ALDH18A1: variants seen among roughly 807,000 people sequenced by gnomAD.
The protein encoded by ALDH18A1 is delta-1-pyrroline-5-carboxylate synthase.
ALDH18A1 carries 44 observed loss-of-function variants against 88.8 expected under a neutral mutation model. That is an observed-to-expected ratio of 0.50 (90% CI 0.39 to 0.64). ALDH18A1 has a LOEUF of 0.64. ALDH18A1 is among the 30% of genes least tolerant of loss of function. ALDH18A1 has a pLI of 0.00. For missense variants in ALDH18A1, 782 were observed against 1,009.5 expected (o/e 0.77, Z 3.05); for synonymous variants, 331 against 372.1 (o/e 0.89, Z 1.27).
At chr10:95,638,508 C>T (rs2097885414) in intron 3 of ALDH18A1, among the ~76,000 whole-genome samples, 1 of 152,164 alleles carries the variant, frequency 6.6e-6, no homozygotes, top group Admixed American at 6.6e-5. Flanking sequence ...AGGCCTAGTT[C>T]CTCCAAGAAA....
At chr10:95,640,837 A>G (rs1455651997) in intron 3 of ALDH18A1, among the ~76,000 whole-genome samples, 1 of 152,082 alleles carries the variant, frequency 6.6e-6, no homozygotes, top group East Asian at 1.9e-4. Context: ...GGTTTTTCCT[A>G]CCGTTTTCAT....
chr10:95,643,054 C>T lies in ALDH18A1; in HGVS notation c.241G>A (p.Val81Met), dbSNP rs745914021. ...CCACATTCATCCCCTCGGGTCACCA[C>T]GGCACTGCCGAGCTTCACCACGATT... ...KRIVVKLGSA[V>M]VTRGDECGLA... Residue 81 changes from valine to methionine, a missense_variant, in exon 3 of 18, where the codon GTG (valine) becomes ATG (methionine). By Grantham distance (21) the Val-to-Met change is conservative (BLOSUM62 1). Transcript: ENST00000371224. 3 of 1,613,970 alleles carry T rather than the reference C, an allele frequency of 1.9e-6. No homozygotes were observed. The highest frequency in any genetic ancestry group is 1.3e-5 in the African/African-American group (1 of 74,950).
chr10:95,654,666 A>T (rs369189194), intron 1 of ALDH18A1, among the ~76,000 whole-genome samples: 1 of 151,094 alleles, frequency 6.6e-6, no homozygotes, highest in Non-Finnish European at 1.5e-5. Flanking sequence ...GACAGAGAAG[A>T]GACTGGCAGG....
At position 95,606,112 on chromosome 10, in the gene ALDH18A1, C is replaced by T; in HGVS notation, c.*650G>A. On this transcript the variant is annotated 3_prime_UTR_variant, in exon 18 of 18. Coordinates refer to ENST00000371224, the MANE Select transcript of ALDH18A1 (RefSeq NM_002860.4). ...CAGCTCAGTGGGGAACATCCTGAAACTTGCATCTCCTGCTGCAGCTTGGGT... is the reference window on the plus strand; with the variant it reads ...CAGCTCAGTGGGGAACATCCTGAAATTTGCATCTCCTGCTGCAGCTTGGGT... 1 of 349,540 alleles carries T rather than the reference C, an allele frequency of 2.9e-6. No homozygotes were observed. The highest frequency in any genetic ancestry group is 1.2e-4 in the South Asian group (1 of 8,678). The allele number at this position is 349,540 out of a possible 1,614,324, so 21.7% of individuals were successfully genotyped here.
chr10:95,625,246 A>T, intron 11 of ALDH18A1, 116 bp downstream of exon 11: 1 of 907,444 alleles, frequency 1.1e-6, no homozygotes, highest in Non-Finnish European at 1.8e-6. Context: ...CATAATGTAC[A>T]ATTTCTTTTA....
chr10:95,650,014 C>A (rs370661347), intron 2 of ALDH18A1, among the ~76,000 whole-genome samples: 1 of 151,920 alleles, frequency 6.6e-6, no homozygotes, highest in African/African-American at 2.4e-5. Context: ...GAGCCTTGAT[C>A]GTGCCACTAT....
Position 95,611,011 on chromosome 10 carries a change from G to A in ALDH18A1, c.2110+245C>T, listed in dbSNP as rs185394326. Among the ~76,000 whole-genome samples, 735 of 152,290 alleles carry A rather than the reference G, an allele frequency of 4.8e-3. 4 individuals are homozygous for A. Among genetic ancestry groups the A allele is most frequent in the Middle Eastern group, 0.01 (3 of 294 alleles). ...GATTTGCTGCACGCATTAAATGATA[G>A]TGCCTCTGACAGGGTTAGTCATCTT... On this transcript the variant is annotated intron_variant, in intron 16 of 17. Coordinates refer to ENST00000371224, the MANE Select transcript of ALDH18A1 (RefSeq NM_002860.4).
rs757321883 is a variant in ALDH18A1 at position 95,614,033 on chromosome 10, C to T, written c.1734G>A (p.Gly578=). 1.9e-6 allele frequency: 3 copies of T among 1,614,096 alleles called. No individual in the cohort carries two copies. The East Asian group carries it at 6.7e-5, about 36-fold the overall frequency. Residue 578 remains glycine, a synonymous_variant, in exon 14 of 18, where the codon GGG becomes GGA. Coordinates refer to ENST00000371224, the MANE Select transcript of ALDH18A1 (RefSeq NM_002860.4). The part of the protein sequence containing the change: ...QKAAKGIPVM[G]HSEGICHMYV... ...ACATGTGACAGATCCCTTCGCTGTG[C>T]CCCATCACTGGAATCCCCTTAGCAG...
chr10:95,620,791 G>C (rs1285191577), intron 12 of ALDH18A1, among the ~76,000 whole-genome samples: 1 of 151,504 alleles, frequency 6.6e-6, no homozygotes, highest in East Asian at 1.9e-4. Context: ...GGCCTGTCGG[G>C]GGGTGGGGGA....
At chr10:95,627,949 T>C (rs1386886340) in intron 8 of ALDH18A1, among the ~76,000 whole-genome samples, 2 of 152,232 alleles carry the variant, frequency 1.3e-5, no homozygotes, top group Non-Finnish European at 2.9e-5. Context: ...ACTTCTGGCT[T>C]TTCTAAGTGG....
intron 7 of ALDH18A1, among the ~76,000 whole-genome samples, chr10:95,632,316 G>T (rs1457687887): frequency 6.6e-6 from 1 of 152,118 alleles, no homozygotes; most frequent in East Asian, 1.9e-4. Flanking sequence ...CTGTGGTTTT[G>T]GTTGCACAAT....
chr10:95,637,362 G>A lies in ALDH18A1; in HGVS notation c.378C>T (p.Arg126=), dbSNP rs773835343. The change falls in exon 4 of 18, where the codon CGC becomes CGT. Residue 126 remains arginine, a synonymous_variant. Coordinates refer to ENST00000371224, the MANE Select transcript of ALDH18A1 (RefSeq NM_002860.4). Reference sequence around the variant, plus strand: ...GAGACAGAAGGATCTCATGGCGCAAGCGTTGTTTGCCAAAGGCTACGGCTC... The same window carrying A: ...GAGACAGAAGGATCTCATGGCGCAAACGTTGTTTGCCAAAGGCTACGGCTC... ...TSGAVAFGKQ[R]LRHEILLSQS... is the part of the protein sequence containing the mutation. 8 of 1,614,122 alleles carry A rather than the reference G, an allele frequency of 5.0e-6. No homozygotes were observed. In the Admixed American group the frequency reaches 8.3e-5, roughly 17 times the overall value.
At chr10:95,628,540 C>A (rs774534649) in intron 7 of ALDH18A1, 48 bp from the exon 8 acceptor site, 2 of 1,602,940 alleles carry the variant, frequency 1.2e-6, no homozygotes, top group Admixed American at 3.3e-5. Context: ...GGAAGTGTCT[C>A]CAAGACAGGC....
intron 7 of ALDH18A1, among the ~76,000 whole-genome samples, chr10:95,629,312 TTTCTG>T (rs778206972): frequency 1.9e-4 from 29 of 152,222 alleles, no homozygotes; most frequent in Non-Finnish European, 3.8e-4. Context: ...GGCAGTGATT[TTTCTG>T]GTCTCAAGTT....
chr10:95,621,934 T>C (rs774182858), intron 11 of ALDH18A1, among the ~76,000 whole-genome samples: 6 of 152,174 alleles, frequency 3.9e-5, no homozygotes, highest in Admixed American at 1.3e-4. Flanking sequence ...TTCACTGACA[T>C]GGAGAGCTGT....
chr10:95,633,961 C>T (rs1401467236), intron 5 of ALDH18A1, among the ~76,000 whole-genome samples: 2 of 152,080 alleles, frequency 1.3e-5, no homozygotes, highest in East Asian at 3.9e-4. Flanking sequence ...GGATTACAGG[C>T]ACACGCAGCT....
intron 8 of ALDH18A1, 26 bp from the exon 9 acceptor site, chr10:95,627,612 A>G: frequency 6.2e-7 from 1 of 1,613,780 alleles, no homozygotes; most frequent in South Asian, 1.1e-5. Context: ...AGATCCAGTA[A>G]AGATGAGATT....
At chr10:95,642,593 T>C (rs1244084534) in intron 3 of ALDH18A1, among the ~76,000 whole-genome samples, 1 of 152,156 alleles carries the variant, frequency 6.6e-6, no homozygotes, top group Non-Finnish European at 1.5e-5. Context: ...CCAGCCTGGG[T>C]GACAGAGTGA....
chr10:95,616,623 C>T lies in ALDH18A1; in HGVS notation c.1468-9G>A, dbSNP rs199908518. The T allele has an allele frequency of 6.2e-7, 1 of 1,603,124 alleles. No individual in the cohort carries two copies. Among genetic ancestry groups the T allele is most frequent in the South Asian group, 1.1e-5 (1 of 88,624 alleles). On this transcript the variant is annotated splice_polypyrimidine_tract_variant and intron_variant, in intron 12 of 17. Coordinates refer to ENST00000371224, the MANE Select transcript of ALDH18A1 (RefSeq NM_002860.4). ...ATAGCCAAAGCTGCCACCTGCAGAT[C>T]AAAGGGAGAGCAGTGGATCAAAGGA...
Sources: allele counts gnomAD v4.1 joint callset (sites outside exome capture counted in the v4.1 genomes callset), GRCh38; gene constraint gnomAD v4.1.1; transcripts MANE v1.5; gene names NCBI Gene and HGNC (gene_info 2026-07-23, HGNC 2026-07-21).